The following PRR14L variants were observed in gnomAD, a reference collection of about 807,000 sequenced individuals.
The protein encoded by PRR14L is proline rich 14 like, also known as protein PRR14L.
PRR14L carries 80 observed loss-of-function variants against 155.0 expected under a neutral mutation model. That is an observed-to-expected ratio of 0.52 (90% CI 0.43 to 0.62). The LOEUF (loss-of-function observed/expected upper bound fraction) is 0.62, where lower values mean the gene tolerates loss of function less well. Ranked by LOEUF, PRR14L falls within the 20% of genes least tolerant of loss-of-function variation. PRR14L has a pLI of 0.00. For missense variants in PRR14L, 2,469 were observed against 2,548.0 expected, an observed-to-expected ratio of 0.97 and a Z score of 0.67; for synonymous variants, 883 against 916.0, an observed-to-expected ratio of 0.96 and a Z score of 0.65.
chr22:31,704,024 C>T (rs566756020), intron 5 of PRR14L, among the ~76,000 whole-genome samples: 6 of 152,038 alleles, frequency 3.9e-5, no homozygotes, highest in South Asian at 2.1e-4. Context: ...CTTGATCTCC[C>T]GACCTTAGGT....
intron 7 of PRR14L, among the ~76,000 whole-genome samples, chr22:31,692,326 C>T (rs1367990827): frequency 1.3e-5 from 2 of 152,030 alleles, no homozygotes; most frequent in South Asian, 2.1e-4. Flanking sequence ...ACCCTTACTA[C>T]ACTTATTTTC....
At chr22:31,694,092 C>G (rs182671635) in intron 7 of PRR14L, among the ~76,000 whole-genome samples, 1 of 152,198 alleles carries the variant, frequency 6.6e-6, no homozygotes, top group African/African-American at 2.4e-5. Flanking sequence ...GCCTGGCCAA[C>G]GTGGTGAAAC....
chr22:31,745,484 T>G (rs1031090836), intron 1 of PRR14L, among the ~76,000 whole-genome samples: 3 of 152,168 alleles, frequency 2.0e-5, no homozygotes, highest in Non-Finnish European at 4.4e-5. Flanking sequence ...AGAACCCGAT[T>G]TTGAGAAGAC....
At chr22:31,705,236 G>A (rs867601493) in intron 4 of PRR14L, among the ~76,000 whole-genome samples, 5 of 152,238 alleles carry the variant, frequency 3.3e-5, no homozygotes, top group Middle Eastern at 6.8e-3. Context: ...ACTTCAGCCT[G>A]AGTATCAGGG....
intron 1 of PRR14L, among the ~76,000 whole-genome samples, chr22:31,747,672 G>C (rs1036701871): frequency 6.6e-6 from 1 of 151,714 alleles, no homozygotes; most frequent in Non-Finnish European, 1.5e-5. Flanking sequence ...TGGTGGTATA[G>C]AGCTCCCACT....
In PRR14L at chr22:31,712,556, C is replaced by T; in HGVS notation, c.5283G>A (p.Lys1761=). The T allele has an allele frequency of 6.4e-7, 1 of 1,551,758 alleles. No individual in the cohort carries two copies. The highest frequency in any genetic ancestry group is 8.7e-7 in the Non-Finnish European group (1 of 1,147,022). ...EALQCPSQPP[K]WTFSFFLSHG... is the part of the protein sequence containing the mutation. The stretch of plus-strand genomic sequence containing the variant: ...GGGACAAGAAGAAAGAAAAGGTCCA[C>T]TTGGGAGGTTGAGACGGGCACTGGA... Residue 1761 remains lysine (K), a synonymous_variant, in exon 4 of 9, where the codon AAG becomes AAA. Transcript: ENST00000327423.
At position 31,712,833 on chromosome 22, in the gene PRR14L, T is replaced by G. The variant is rs1315424330; in HGVS notation, c.5006A>C (p.Gln1669Pro). The change falls in exon 4 of 9, where the codon CAG (glutamine) becomes CCG (proline). Residue 1669 changes from glutamine (Q) to proline (P), a missense_variant. Physicochemically the swap from Gln to Pro is moderately conservative, Grantham distance 76. Around this residue, in one of 2 missense-constraint regions of PRR14L, gnomAD observed 2,363 missense variants for 2,371.6 expected, o/e 1.00. Coordinates refer to ENST00000327423, the MANE Select transcript of PRR14L (RefSeq NM_173566.3). ...ACTAGCTGCCAAATATGGATTCAGCTGCTCTGTGCTGGATGAAAATCCGTC... is the reference window on the plus strand; with the variant it reads ...ACTAGCTGCCAAATATGGATTCAGCGGCTCTGTGCTGGATGAAAATCCGTC... ...LLDGFSSSTE[Q>P]LNPYLAASGW... 6.4e-7 allele frequency: 1 copy of G among 1,552,004 alleles called. No individual in the cohort carries two copies. The highest frequency in any genetic ancestry group is 1.4e-5 in the African/African-American group (1 of 73,064).
intron 5 of PRR14L, 55 bp from the exon 6 acceptor site, chr22:31,703,776 A>C: frequency 1.8e-6 from 2 of 1,132,318 alleles, no homozygotes; most frequent in Non-Finnish European, 2.4e-6. Flanking sequence ...TACTTCCAGC[A>C]CATTCAACTT....
intron 3 of PRR14L, among the ~76,000 whole-genome samples, chr22:31,718,176 C>T (rs1453241992): frequency 6.6e-6 from 1 of 151,548 alleles, no homozygotes; most frequent in Non-Finnish European, 1.5e-5. Flanking sequence ...GACCCGCCTG[C>T]CTCGGCCTCC....
chr22:31,687,162 C>T (rs151210161), intron 8 of PRR14L, among the ~76,000 whole-genome samples: 2,199 of 151,962 alleles, frequency 0.014, 54 homozygotes, highest in African/African-American at 0.051. Context: ...CTCAGCCTCC[C>T]GAGTAGCTGG....
rs2074636442 is a variant in PRR14L, at chr22:31,713,603, A to G, written c.4236T>C (p.His1412=). Reference sequence around the variant, plus strand: ...ATGATATGCACTGTTGCGATATCGTATGTGCTTTTTGTTGACGTATATATT... The same window carrying G: ...ATGATATGCACTGTTGCGATATCGTGTGTGCTTTTTGTTGACGTATATATT... ...EEKYIRQQKA[H]TISQQCISSS... is the part of the protein sequence containing the mutation. The change falls in exon 4 of 9, where the codon CAT becomes CAC. Residue 1412 remains histidine, a synonymous_variant. Coordinates refer to ENST00000327423, the MANE Select transcript of PRR14L (RefSeq NM_173566.3). The G allele has an allele frequency of 1.3e-6, 2 of 1,551,968 alleles. No homozygotes were observed. Among genetic ancestry groups the G allele is most frequent in the Non-Finnish European group, 1.7e-6 (2 of 1,147,058 alleles).
rs549698195 is a variant in PRR14L at position 31,694,571 on chromosome 22, C to G, written c.6108-6344G>C. On this transcript the variant is annotated intron_variant, in intron 7 of 8. Coordinates refer to ENST00000327423, the MANE Select transcript of PRR14L (RefSeq NM_173566.3). ...GACCATCCTGGCTAACATGGTGAAA[C>G]CATGTCTCTACTAAAAATACAAAAA... Among the ~76,000 whole-genome samples, 20 of 151,520 alleles carry G rather than the reference C, an allele frequency of 1.3e-4. No homozygotes were observed. In the East Asian group the frequency reaches 3.7e-3, roughly 28 times the overall value.
At chr22:31,743,463 A>G (rs1180039331) in intron 1 of PRR14L, among the ~76,000 whole-genome samples, 1 of 152,196 alleles carries the variant, frequency 6.6e-6, no homozygotes, top group Admixed American at 6.5e-5. Context: ...AAATCAGTCA[A>G]TTGTATGGCA....
chr22:31,685,921 T>C, intron 8 of PRR14L, 118 bp from the exon 9 acceptor site: 1 of 887,478 alleles, frequency 1.1e-6, no homozygotes. Context: ...GACTGAAAGC[T>C]ACTTGCGCCA....
rs934217431 is a variant in PRR14L, at chr22:31,715,237, G to C, written c.2602C>G (p.Pro868Ala). ...ATTTTGTTTCTGATCTTATCTCCTG[G>C]AAGGCTGCCATTCGTTTCTTTCCCA... ...LDGKETNGSL[P>A]GDKIRNKMVA... The change falls in exon 4 of 9, where the codon CCA becomes GCA. Residue 868 changes from proline (P) to alanine (A), a missense_variant. Physicochemically the swap from Pro to Ala is conservative, Grantham distance 27 (BLOSUM62 -1). Transcript: ENST00000327423. 1 of 1,552,080 alleles carries C rather than the reference G, an allele frequency of 6.4e-7. No homozygotes were observed.
rs1385864171 is a variant in PRR14L at position 31,714,852 on chromosome 22, T to C, written c.2987A>G (p.Asp996Gly). ...GQSAKEMLSS[D>G]QRETVTEPHG... Reference sequence around the variant, plus strand: ...AGGCTCGGTGACAGTCTCTCTCTGGTCACTACTTAGCATCTCCTTGGCTGA... The same window carrying C: ...AGGCTCGGTGACAGTCTCTCTCTGGCCACTACTTAGCATCTCCTTGGCTGA... Residue 996 changes from aspartate (D) to glycine (G), a missense_variant, in exon 4 of 9, where the codon GAC becomes GGC. This residue lies in a region of PRR14L where 2,363 missense variants were observed against 2,371.6 expected (regional missense o/e 1.00). Transcript: ENST00000327423. 1.9e-6 allele frequency: 3 copies of C among 1,551,904 alleles called. No homozygotes were observed. Among genetic ancestry groups the C allele is most frequent in the Non-Finnish European group, 8.7e-7 (1 of 1,147,062 alleles).
chr22:31,713,499 A>G lies in PRR14L; in HGVS notation c.4340T>C (p.Ile1447Thr). 1 of 1,551,926 alleles carries G rather than the reference A, an allele frequency of 6.4e-7. No homozygotes were observed. Among genetic ancestry groups the G allele is most frequent in the Non-Finnish European group, 8.7e-7 (1 of 1,147,054 alleles). The change falls in exon 4 of 9, where the codon ATC (isoleucine) becomes ACC (threonine). Residue 1447 changes from isoleucine (I) to threonine (T), a missense_variant. Physicochemically the swap from Ile to Thr is moderately conservative, Grantham distance 89. Around this residue, in one of 2 missense-constraint regions of PRR14L, gnomAD observed 2,363 missense variants for 2,371.6 expected, o/e 1.00. Transcript: ENST00000327423. ...GTCCTTGGCCAGCTTTGCTAGGGTG[A>G]TTTCATTGATCATGGTGGACTCATC... ...DKDESTMINE[I>T]TLAKLAKDSI...
Position 31,714,952 on chromosome 22 carries a change from C to G in PRR14L, c.2887G>C (p.Asp963His), listed in dbSNP as rs9619227. The G allele has an allele frequency of 1.3e-6, 2 of 1,551,994 alleles. No homozygotes were observed. The highest frequency in any genetic ancestry group is 2.0e-5 in the Admixed American group (1 of 51,010). Residue 963 changes from aspartate to histidine, a missense_variant, in exon 4 of 9, where the codon GAT becomes CAT. Asp to His is a moderately conservative substitution (Grantham distance 81). Transcript: ENST00000327423. ...TCAAGGACTTCATCTGCCTTCTGAT[C>G]GAGTGTTTCAACTGATTTTACATTT... ...FKNVKSVETLDQKADEVLDCQ... is the reference protein window; with the variant it reads ...FKNVKSVETLHQKADEVLDCQ...
intron 4 of PRR14L, among the ~76,000 whole-genome samples, chr22:31,707,011 T>C (rs1048489085): frequency 1.3e-5 from 2 of 151,494 alleles, no homozygotes; most frequent in African/African-American, 4.9e-5. Flanking sequence ...ATCGCGCCAC[T>C]GCACTCCAGC....
Sources: gnomAD v4.1 joint callset for allele counts (sites outside exome capture counted in the v4.1 genomes callset) on GRCh38, gnomAD v4.1.1 for gene constraint, gnomAD v4.1.1 regional missense constraint, MANE v1.5 for transcripts, NCBI Gene and HGNC (gene_info 2026-07-23, HGNC 2026-07-21) for gene names.